SPAG16: variants seen among roughly 807,000 people sequenced by gnomAD.
SPAG16 encodes the protein sperm associated antigen 16.
A neutral mutation model predicts 80.4 loss-of-function variants in SPAG16; 86 were observed. The ratio of observed to expected loss-of-function variants is 1.07; its 90% confidence interval spans 0.90 to 1.28. The LOEUF (loss-of-function observed/expected upper bound fraction) is 1.28, where lower values mean the gene tolerates loss of function less well. Ranked by LOEUF, SPAG16 falls within the 50% of genes most tolerant of loss-of-function variation. SPAG16 has a pLI of 0.00. For synonymous variants in SPAG16, 294 were observed against 265.9 expected (o/e 1.11, Z -1.03); for missense variants, 870 against 765.3 (o/e 1.14, Z -1.61).
intron 15 of SPAG16, among the ~76,000 whole-genome samples, chr2:214,363,939 T>G (rs1699325787): frequency 6.6e-6 from 1 of 152,076 alleles, no homozygotes; most frequent in Non-Finnish European, 1.5e-5. Context: ...CATGGGAGCT[T>G]CTTTCTCATG....
At chr2:213,928,606 AC>A (rs1327779460) in intron 11 of SPAG16, among the ~76,000 whole-genome samples, 3 of 152,188 alleles carry the variant, frequency 2.0e-5, no homozygotes. Context: ...GATGCCAGAA[AC>A]TTTTTCTTCT....
At chr2:213,357,464 G>T (rs558121067) in intron 7 of SPAG16, among the ~76,000 whole-genome samples, 1 of 152,254 alleles carries the variant, frequency 6.6e-6, no homozygotes, top group Admixed American at 6.5e-5. Context: ...TATATATTTA[G>T]GATAGTTGGC....
At chr2:214,008,438 T>C (rs62191922) in intron 12 of SPAG16, among the ~76,000 whole-genome samples, 1 of 151,564 alleles carries the variant, frequency 6.6e-6, no homozygotes, top group African/African-American at 2.4e-5. Context: ...ATATGTAGCA[T>C]TTAAAAAAAA....
chr2:214,045,601 G>A (rs963637511), intron 13 of SPAG16, among the ~76,000 whole-genome samples: 1 of 152,032 alleles, frequency 6.6e-6, no homozygotes, highest in African/African-American at 2.4e-5. Flanking sequence ...AATATTCTTG[G>A]GAATGATCAA....
chr2:213,789,090 A>T (rs75096129), intron 10 of SPAG16, among the ~76,000 whole-genome samples: 3,338 of 152,042 alleles, frequency 0.022, 121 homozygotes, highest in African/African-American at 0.074. Context: ...ATTTGGAAGA[A>T]CCATTTTAAT....
intron 10 of SPAG16, among the ~76,000 whole-genome samples, chr2:213,833,573 A>AT (rs2073908252): frequency 3.0e-5 from 1 of 33,200 alleles, no homozygotes; most frequent in Non-Finnish European, 5.3e-5. Context: ...TATAATATAT[A>AT]TATAATATAT....
intron 12 of SPAG16, among the ~76,000 whole-genome samples, chr2:213,966,723 C>T (rs2044729254): frequency 6.6e-6 from 1 of 152,112 alleles, no homozygotes. Context: ...TTAGACCTTA[C>T]ACCGTGTTTA....
chr2:213,592,996 C>T (rs1574421176), intron 10 of SPAG16, among the ~76,000 whole-genome samples: 1 of 151,968 alleles, frequency 6.6e-6, no homozygotes, highest in East Asian at 1.9e-4. Flanking sequence ...CCCCACCCCA[C>T]CAACACCACC....
intron 12 of SPAG16, among the ~76,000 whole-genome samples, chr2:213,950,002 T>A (rs2079664660): frequency 1.3e-5 from 2 of 152,202 alleles, no homozygotes; most frequent in Admixed American, 1.3e-4. Flanking sequence ...CAGAAGTAAC[T>A]GCAGCTTCCT....
intron 9 of SPAG16, among the ~76,000 whole-genome samples, chr2:213,459,666 T>A (rs1025071845): frequency 1.3e-5 from 2 of 152,220 alleles, no homozygotes; most frequent in Non-Finnish European, 2.9e-5. Context: ...CAGAATTGTC[T>A]GGCAGCAGCC....
At chr2:213,745,463 G>T (rs1348946305) in intron 10 of SPAG16, among the ~76,000 whole-genome samples, 1 of 152,072 alleles carries the variant, frequency 6.6e-6, no homozygotes, top group Non-Finnish European at 1.5e-5. Flanking sequence ...GGCTGGTCTT[G>T]AACTCCTGAC....
chr2:213,664,990 C>T (rs950907126), intron 10 of SPAG16, among the ~76,000 whole-genome samples: 4 of 151,972 alleles, frequency 2.6e-5, no homozygotes, highest in African/African-American at 9.7e-5. Flanking sequence ...CTTAACTTGC[C>T]TGCTTTATGG....
chr2:213,821,552 C>A (rs1462647076), intron 10 of SPAG16, among the ~76,000 whole-genome samples: 1 of 152,086 alleles, frequency 6.6e-6, no homozygotes, highest in Admixed American at 6.5e-5. Context: ...TTTTGTGTTA[C>A]AATCAATTTA....
intron 10 of SPAG16, among the ~76,000 whole-genome samples, chr2:213,751,511 T>C (rs2068075127): frequency 6.6e-6 from 1 of 152,200 alleles, no homozygotes. Context: ...CCAGGTTCTC[T>C]CCATCGTTTC....
chr2:213,525,151 T>G (rs1275151328), intron 10 of SPAG16, among the ~76,000 whole-genome samples: 1 of 152,100 alleles, frequency 6.6e-6, no homozygotes, highest in Non-Finnish European at 1.5e-5. Flanking sequence ...TTTCCTCCTT[T>G]TGCTTGGCAC....
At chr2:213,608,010 T>A (rs1264596092) in intron 10 of SPAG16, among the ~76,000 whole-genome samples, 1 of 151,856 alleles carries the variant, frequency 6.6e-6, no homozygotes, top group Non-Finnish European at 1.5e-5. Flanking sequence ...TGAAGTATAA[T>A]TTTTTTTATA....
intron 12 of SPAG16, among the ~76,000 whole-genome samples, chr2:213,933,152 A>C (rs1451895898): frequency 1.3e-5 from 2 of 152,212 alleles, no homozygotes; most frequent in Non-Finnish European, 2.9e-5. Flanking sequence ...TACACAAATC[A>C]ATAAAATGAT....
chr2:214,350,315 C>A (rs1485170906), intron 15 of SPAG16, among the ~76,000 whole-genome samples: 2 of 152,198 alleles, frequency 1.3e-5, no homozygotes, highest in Non-Finnish European at 2.9e-5. Context: ...ATAATAGACA[C>A]TTTGATATTG....
intron 12 of SPAG16, among the ~76,000 whole-genome samples, chr2:214,010,863 C>T (rs1307210577): frequency 6.9e-6 from 1 of 145,924 alleles, no homozygotes; most frequent in African/African-American, 2.7e-5. Flanking sequence ...TTTTAAATTT[C>T]AGAGGTGAGT....
Sources: gnomAD v4.1 joint callset for allele counts (sites outside exome capture counted in the v4.1 genomes callset) on GRCh38, gnomAD v4.1.1 for gene constraint, MANE v1.5 for transcripts, NCBI Gene and HGNC (gene_info 2026-07-23, HGNC 2026-07-21) for gene names.